The following SNTG1 variants were observed in gnomAD, a reference collection of about 807,000 sequenced individuals.
SNTG1 encodes syntrophin gamma 1, also known as gamma-1-syntrophin.
A neutral mutation model predicts 74.7 loss-of-function variants in SNTG1; 39 were observed. The ratio of observed to expected loss-of-function variants is 0.52; its 90% CI spans 0.40 to 0.68. SNTG1 has a LOEUF of 0.68. Ranked by LOEUF, SNTG1 falls within the 30% of genes least tolerant of loss-of-function variation. SNTG1 has a pLI of 0.00. For synonymous variants in SNTG1, 254 were observed against 217.1 expected (o/e 1.17, Z -1.49); for missense variants, 685 against 609.5 (o/e 1.12, Z -1.30).
chr8:50,048,114 A>G (rs1222966218), intron 1 of SNTG1, among the ~76,000 whole-genome samples: 2 of 152,128 alleles, frequency 1.3e-5, no homozygotes, highest in East Asian at 1.9e-4. Context: ...GAAAAAAAAT[A>G]AAGTAATTTA....
At chr8:50,168,878 T>G (rs994374270) in intron 1 of SNTG1, among the ~76,000 whole-genome samples, 1 of 152,208 alleles carries the variant, frequency 6.6e-6, no homozygotes, top group Non-Finnish European at 1.5e-5. Context: ...ATAACTGCAG[T>G]ACCTGATTAT....
intron 18 of SNTG1, among the ~76,000 whole-genome samples, chr8:50,768,471 T>A (rs4422788): frequency 6.6e-6 from 1 of 151,836 alleles, no homozygotes; most frequent in African/African-American, 2.4e-5. Context: ...AGAAGATGGC[T>A]GGTAATCTAA....
chr8:50,394,143 C>T (rs1438174525), intron 2 of SNTG1, 69 bp from the exon 3 acceptor site: 6 of 1,230,508 alleles, frequency 4.9e-6, no homozygotes, highest in East Asian at 2.4e-5. Flanking sequence ...CGATTTCCTC[C>T]ACTATATTAG....
chr8:49,918,110 T>A (rs1806206075), intron 1 of SNTG1, among the ~76,000 whole-genome samples: 1 of 152,160 alleles, frequency 6.6e-6, no homozygotes. Context: ...ACCTTTTTGT[T>A]TTTATCTAGA....
chr8:50,416,699 A>G (rs377102497), intron 4 of SNTG1, among the ~76,000 whole-genome samples: 1 of 152,272 alleles, frequency 6.6e-6, no homozygotes, highest in Admixed American at 6.5e-5. Flanking sequence ...ACTTATATTC[A>G]TATCACATCA....
chr8:50,138,987 A>C (rs1317029446), intron 1 of SNTG1, among the ~76,000 whole-genome samples: 1 of 152,154 alleles, frequency 6.6e-6, no homozygotes, highest in African/African-American at 2.4e-5. Context: ...TAACAGAAAA[A>C]CAGTGGGAAA....
At chr8:49,969,296 C>T (rs1038916309) in intron 1 of SNTG1, among the ~76,000 whole-genome samples, 1 of 151,152 alleles carries the variant, frequency 6.6e-6, no homozygotes, top group Non-Finnish European at 1.5e-5. Context: ...CTTGGATTTG[C>T]TTCACCACAG....
At position 50,673,372 on chromosome 8, in the gene SNTG1, C is replaced by G. The variant is rs1337733138; in HGVS notation, c.1038+14709C>G. ...TTTCCTTGAGCAGTGGTTTGTAGTT[C>G]TCCTTGATGAGGTCCTTCACATCCC... On this transcript the variant is annotated intron_variant, in intron 15 of 18. Transcript: ENST00000642720. Among the ~76,000 whole-genome samples the G allele has an allele frequency of 2.0e-5, 3 of 152,180 alleles. No individual in the cohort carries two copies. The East Asian group carries it at 5.8e-4, about 29-fold the overall frequency.
Position 49,987,718 on chromosome 8 carries a change from G to A in SNTG1, c.-103+75487G>A, listed in dbSNP as rs534672686. Among the ~76,000 whole-genome samples the A allele has an allele frequency of 8.4e-5, 12 of 142,944 alleles. No homozygotes were observed. In the East Asian group the frequency reaches 1.9e-3, roughly 22 times the overall value. 93.8% of individuals were successfully genotyped at this position (142,944 alleles called of 152,430 possible). ...GGCTGGAGTGTGGTGGCGTGATCTC[G>A]GCTTACTGCAACCTCTGCCTCCCGG... On this transcript the variant is annotated intron_variant, in intron 1 of 18. Coordinates refer to ENST00000642720, the MANE Select transcript of SNTG1 (RefSeq NM_018967.5).
chr8:50,745,244 G>A (rs1172678108), intron 17 of SNTG1, among the ~76,000 whole-genome samples: 1 of 151,914 alleles, frequency 6.6e-6, no homozygotes, highest in South Asian at 2.1e-4. Flanking sequence ...AACATGAGTA[G>A]ATATTGCAAC....
At chr8:50,509,352 T>G (rs1585512644) in intron 9 of SNTG1, among the ~76,000 whole-genome samples, 1 of 152,350 alleles carries the variant, frequency 6.6e-6, no homozygotes, top group East Asian at 1.9e-4. Context: ...GGTAGCGTGA[T>G]GCCTCCAGCT....
chr8:50,449,733 GT>G lies in SNTG1; in HGVS notation c.277+11del. ...TCTCCAAGGAACAAAGAGGTAATAT[GT>G]TTAGAGAATTGTGTACCAGCCATTT... On this transcript the variant is annotated intron_variant, in intron 6 of 18. Transcript: ENST00000642720. 1.3e-6 allele frequency: 2 copies of G among 1,578,388 alleles called. No individual in the cohort carries two copies. The highest frequency in any genetic ancestry group is 1.7e-6 in the Non-Finnish European group (2 of 1,160,026).
At chr8:50,298,574 T>C (rs1456153980) in intron 2 of SNTG1, among the ~76,000 whole-genome samples, 1 of 152,190 alleles carries the variant, frequency 6.6e-6, no homozygotes, top group East Asian at 1.9e-4. Flanking sequence ...TACTTTGAAG[T>C]AATAAGTGGT....
At chr8:50,026,416 C>A (rs989995127) in intron 1 of SNTG1, among the ~76,000 whole-genome samples, 2 of 152,066 alleles carry the variant, frequency 1.3e-5, no homozygotes, top group Non-Finnish European at 2.9e-5. Context: ...ACATGTCCAG[C>A]GAGTTGGCTC....
chr8:50,199,139 G>GT (rs746077778), intron 2 of SNTG1, among the ~76,000 whole-genome samples: 120 of 148,566 alleles, frequency 8.1e-4, no homozygotes, highest in Non-Finnish European at 1.3e-3. Context: ...TCTTTGCAGT[G>GT]TTTTTTTTTA....
intron 8 of SNTG1, among the ~76,000 whole-genome samples, chr8:50,476,150 A>G (rs1413309063): frequency 6.6e-6 from 1 of 152,132 alleles, no homozygotes. Flanking sequence ...CCCTAATTTT[A>G]CTTAATTATG....
chr8:50,334,784 A>C (rs1295554678), intron 2 of SNTG1, among the ~76,000 whole-genome samples: 1 of 152,178 alleles, frequency 6.6e-6, no homozygotes, highest in Non-Finnish European at 1.5e-5. Flanking sequence ...GGGATAATAG[A>C]CTGAACAATA....
At chr8:49,932,428 T>C (rs1049793468) in intron 1 of SNTG1, among the ~76,000 whole-genome samples, 4 of 152,090 alleles carry the variant, frequency 2.6e-5, no homozygotes, top group African/African-American at 9.7e-5. Context: ...CTGAGATTTA[T>C]TAATATTAAA....
chr8:49,983,726 C>A (rs547998208), intron 1 of SNTG1, among the ~76,000 whole-genome samples: 1 of 152,332 alleles, frequency 6.6e-6, no homozygotes, highest in Non-Finnish European at 1.5e-5. Flanking sequence ...CTGTCTACTT[C>A]ACTGCCCTGA....
Sources: gnomAD v4.1 joint callset for allele counts (sites outside exome capture counted in the v4.1 genomes callset) on GRCh38, gnomAD v4.1.1 for gene constraint, MANE v1.5 for transcripts, NCBI Gene and HGNC (gene_info 2026-07-23, HGNC 2026-07-21) for gene names.